The following COX7A2L variants were observed in gnomAD, a reference collection of about 807,000 sequenced individuals.
The protein encoded by COX7A2L is cytochrome c oxidase subunit 7A2 like, also known as cytochrome c oxidase subunit 7A2-like, mitochondrial.
COX7A2L carries 18 observed loss-of-function variants against 14.2 expected under a neutral mutation model. The ratio of observed to expected loss-of-function variants is 1.27; its 90% CI spans 0.88 to 1.88. The LOEUF is 1.88. Among genes scored for constraint, COX7A2L ranks in the 40% most tolerant of loss-of-function variants. The pLI is 0.00. For synonymous variants in COX7A2L, 65 were observed against 57.4 expected (o/e 1.13, Z -0.60); for missense variants, 179 against 138.8 (o/e 1.29, Z -1.46).
upstream of COX7A2L, among the ~76,000 whole-genome samples, chr2:42,363,795 G>C (rs1291042470): frequency 6.6e-6 from 1 of 152,152 alleles, no homozygotes; most frequent in Non-Finnish European, 1.5e-5. Flanking sequence ...TATTCTGAAG[G>C]GAAGTGACCA....
intron 2 of COX7A2L, among the ~76,000 whole-genome samples, chr2:42,352,115 C>T (rs1053434381): frequency 1.3e-5 from 2 of 152,128 alleles, no homozygotes; most frequent in South Asian, 2.1e-4. Flanking sequence ...GCCTTCTTTC[C>T]GTCACACTGT....
At chr2:42,367,627 G>A (rs953477337) in intron 1 of COX7A2L, among the ~76,000 whole-genome samples, 1 of 152,244 alleles carries the variant, frequency 6.6e-6, no homozygotes, top group African/African-American at 2.4e-5. Context: ...CAAGTCAAGG[G>A]GCACTGGCCC....
upstream of COX7A2L, chr2:42,361,664 T>G (rs1671056621): frequency 6.5e-6 from 1 of 152,704 alleles, no homozygotes; most frequent in African/African-American, 2.4e-5. Flanking sequence ...TCCGAGAGAG[T>G]CTGTGCTGCG....
Position 42,353,226 on chromosome 2 carries a change from G to T in COX7A2L, c.190C>A (p.Gln64Lys), listed in dbSNP as rs909026421. The T allele has an allele frequency of 1.3e-5, 21 of 1,613,946 alleles. No homozygotes were observed. Among genetic ancestry groups the T allele is most frequent in the Non-Finnish European group, 1.8e-5 (21 of 1,179,988 alleles). Residue 64 changes from glutamine to lysine, a missense_variant, in exon 2 of 3, where the codon CAA (glutamine) becomes AAA (lysine). Gln to Lys is a moderately conservative substitution (Grantham distance 53). Coordinates refer to ENST00000234301, the MANE Select transcript of COX7A2L (RefSeq NM_004718.4). ...TCTTCCCTCACCTGGAAAAACTTTTGTAGCTCTGGAACTTTGTTTTTCCCA... is the reference window on the plus strand; with the variant it reads ...TCTTCCCTCACCTGGAAAAACTTTTTTAGCTCTGGAACTTTGTTTTTCCCA... ...YAGKNKVPEL[Q>K]KFFQKADGVP...
intron 1 of COX7A2L, among the ~76,000 whole-genome samples, chr2:42,367,630 A>ACTGGCC (rs778379265): frequency 6.6e-5 from 10 of 152,270 alleles, no homozygotes; most frequent in African/African-American, 1.7e-4. Context: ...GTCAAGGGGC[A>ACTGGCC]CTGGCCCTGG....
rs772074677 is a variant in COX7A2L at position 42,353,342 on chromosome 2, C to A, written c.74G>T (p.Gly25Val). The A allele has an allele frequency of 6.2e-7, 1 of 1,612,732 alleles. No homozygotes were observed. Among genetic ancestry groups the A allele is most frequent in the Non-Finnish European group, 8.5e-7 (1 of 1,179,630 alleles). Residue 25 changes from glycine (G) to valine (V), a missense_variant and splice_region_variant, in exon 2 of 3, where the codon GGA (glycine) becomes GTA (valine). By Grantham distance (109) the Gly-to-Val change is moderately radical. Transcript: ENST00000234301. ...AWASEAYSPQ[G>V]LKPVVSTEAP... ...TTCTGTGGAAACCACAGGCTTTAAT[C>A]CCTGTAGAGAAAAAAAGGAAAATGG...
rs754878093 is a variant in COX7A2L, at chr2:42,351,247, T to G, written c.317A>C (p.Tyr106Ser). ...GGTIYCLIALYMASQPKNK is the reference protein window; with the variant it reads ...GGTIYCLIALSMASQPKNK Reference sequence around the variant, plus strand: ...TTTGTTTTTGGGCTGCGAAGCCATGTAGAGGGCGATCAGGCAGTAGATGGT... The same window carrying G: ...TTTGTTTTTGGGCTGCGAAGCCATGGAGAGGGCGATCAGGCAGTAGATGGT... The change falls in exon 3 of 3, where the codon TAC (tyrosine) becomes TCC (serine). Residue 106 changes from tyrosine to serine, a missense_variant. Physicochemically the swap from Tyr to Ser is moderately radical, Grantham distance 144. Transcript: ENST00000234301. 6.2e-7 allele frequency: 1 copy of G among 1,614,104 alleles called. No homozygotes were observed. Among genetic ancestry groups the G allele is most frequent in the Non-Finnish European group, 8.5e-7 (1 of 1,179,984 alleles).
chr2:42,353,426 C>T lies in COX7A2L; in HGVS notation c.73-83G>A, dbSNP rs868121489. ...AATAGTGGAGGCAGCCATTCAACTA[C>T]GAGAGAGCAAGAAAGTCTCTCCAAC... On this transcript the variant is annotated intron_variant, in intron 1 of 2. Transcript: ENST00000234301. 30 of 1,551,718 alleles carry T rather than the reference C, an allele frequency of 1.9e-5. No homozygotes were observed. The East Asian group carries it at 3.2e-4, about 16-fold the overall frequency.
chr2:42,344,823 C>G (rs1322688463), downstream of COX7A2L, among the ~76,000 whole-genome samples: 2 of 151,648 alleles, frequency 1.3e-5, no homozygotes, highest in African/African-American at 4.9e-5. Context: ...TGTACTCCAG[C>G]CTGGGTGACA....
At chr2:42,363,159 G>T (rs748115825), upstream of COX7A2L, among the ~76,000 whole-genome samples, 1 of 152,138 alleles carries the variant, frequency 6.6e-6, no homozygotes, top group Non-Finnish European at 1.5e-5. Context: ...TTACAGGCAT[G>T]AGCCACCGTG....
downstream of COX7A2L, among the ~76,000 whole-genome samples, chr2:42,344,353 A>G (rs1046910548): frequency 1.3e-5 from 2 of 152,178 alleles, no homozygotes; most frequent in Non-Finnish European, 2.9e-5. Context: ...ACTCTGTCCC[A>G]AAACATTTAC....
intron 2 of COX7A2L, among the ~76,000 whole-genome samples, chr2:42,337,726 CAG>C (rs768118837): frequency 6.6e-6 from 1 of 152,318 alleles, no homozygotes; most frequent in East Asian, 1.9e-4. Context: ...GCAACTTCCT[CAG>C]AGTCTCAAAA....
upstream of COX7A2L, chr2:42,361,601 G>C (rs1353040092): frequency 6.2e-6 from 1 of 161,720 alleles, no homozygotes; most frequent in Non-Finnish European, 1.4e-5. Context: ...TGATTGGTGG[G>C]CGTGGTCTGG....
intron 2 of COX7A2L, 47 bp from the exon 3 acceptor site, chr2:42,351,406 T>C: frequency 1.2e-6 from 2 of 1,602,080 alleles, no homozygotes; most frequent in South Asian, 2.2e-5. Context: ...GAAAAATATT[T>C]TACAATTTTA....
intron 1 of COX7A2L, chr2:42,368,744 A>C (rs1239853468): frequency 6.6e-6 from 1 of 152,270 alleles, no homozygotes; most frequent in African/African-American, 2.4e-5. Flanking sequence ...TATTACTAGT[A>C]GTTGCAGCAA....
At chr2:42,355,016 G>C (rs1045474511) in intron 1 of COX7A2L, among the ~76,000 whole-genome samples, 2 of 152,168 alleles carry the variant, frequency 1.3e-5, no homozygotes, top group South Asian at 4.1e-4. Context: ...ATAGTGAAAA[G>C]CAAGTCAAGT....
chr2:42,355,639 T>C (rs565059425), intron 1 of COX7A2L, among the ~76,000 whole-genome samples: 2 of 152,166 alleles, frequency 1.3e-5, no homozygotes, highest in African/African-American at 2.4e-5. Context: ...ATCCCATTAA[T>C]TGTTATAAAT....
intron 2 of COX7A2L, among the ~76,000 whole-genome samples, chr2:42,340,710 C>T (rs1191254834): frequency 2.0e-5 from 3 of 152,136 alleles, no homozygotes; most frequent in Non-Finnish European, 2.9e-5. Context: ...AGTTCAACAG[C>T]GCCCCAGTGG....
rs386390054 is a variant in COX7A2L at position 42,355,717 on chromosome 2, C to CTTTTTTTTTT, written c.73-2384_73-2375dup. Among the ~76,000 whole-genome samples, 382 of 69,058 alleles carry CTTTTTTTTTT rather than the reference C, an allele frequency of 5.5e-3. 73 individuals carry two copies. Among genetic ancestry groups the CTTTTTTTTTT allele is most frequent in the African/African-American group, 0.01 (174 of 16,904 alleles). The allele number at this position is 69,058 out of a possible 152,430, so 45.3% of individuals were successfully genotyped here. A position where few individuals can be genotyped will look rare whatever the true frequency, so the allele number is the denominator to read the frequency against. On this transcript the variant is annotated intron_variant, in intron 1 of 2. Transcript: ENST00000234301. ...CAGTCACAGTGTAAAATCCTACGTT[C>CTTTTTTTTTT]TTTTTTTTTTTTTTTTTTTTTTTTT...
Sources: gnomAD v4.1 joint callset for allele counts (sites outside exome capture counted in the v4.1 genomes callset) on GRCh38, gnomAD v4.1.1 for gene constraint, MANE v1.5 for transcripts, NCBI Gene and HGNC (gene_info 2026-07-23, HGNC 2026-07-21) for gene names.